The following INF2 variants were observed in gnomAD, a reference collection of about 807,000 sequenced individuals.
The protein encoded by INF2 is inverted formin-2.
In INF2, 43 loss-of-function variants were observed where a neutral mutation model predicts 123.5. The observed-to-expected ratio is 0.35, with a 90% CI of 0.27 to 0.45. INF2 has a LOEUF of 0.45. Among genes scored for constraint, INF2 ranks in the 20% least tolerant of loss-of-function variants. The probability of loss-of-function intolerance (pLI) is 1.00; values close to 1 mark genes in which losing one functional copy is unlikely to be tolerated. For missense variants in INF2, 1,453 were observed against 1,682.7 expected, an observed-to-expected ratio of 0.86 and a Z score of 2.39; for synonymous variants, 851 against 745.0, an observed-to-expected ratio of 1.14 and a Z score of -2.32.
intron 6 of INF2, 26 bp downstream of exon 6, chr14:104,706,202 G>C: frequency 6.5e-7 from 1 of 1,545,632 alleles, no homozygotes; most frequent in East Asian, 2.4e-5. Context: ...CAGGGCGGAG[G>C]GCAGCCCTCC....
chr14:104,689,299 G>C, upstream of INF2: 1 of 974,558 alleles, frequency 1.0e-6, no homozygotes, highest in East Asian at 1.1e-4. Context: ...GTAGGTGGAC[G>C]GGAGGCGGTG....
intron 6 of INF2, among the ~76,000 whole-genome samples, chr14:104,706,467 G>A (rs1309964796): frequency 3.9e-5 from 6 of 152,190 alleles, no homozygotes; most frequent in African/African-American, 7.2e-5. Flanking sequence ...GCCCACAGCC[G>A]GCCTTACTGT....
intron 17 of INF2, 43 bp from the exon 18 acceptor site, chr14:104,712,785 C>G (rs759341928): frequency 7.7e-6 from 12 of 1,559,470 alleles, no homozygotes; most frequent in African/African-American, 1.4e-5. Context: ...GGGTGGTGCC[C>G]GCGCGGGGCT....
upstream of INF2, chr14:104,689,590 T>TTCCCCCCCCCCC: frequency 3.1e-6 from 2 of 646,936 alleles, no homozygotes; most frequent in Non-Finnish European, 3.7e-6. Flanking sequence ...CTCCTCTTCC[T>TTCCCCCCCCCCC]CCCGCCCGCC....
chr14:104,700,861 T>A (rs925082806), intron 1 of INF2: 13 of 985,256 alleles, frequency 1.3e-5, no homozygotes, highest in Non-Finnish European at 1.4e-5. Context: ...CAGGCATGCC[T>A]GAGGTTTGGA....
Position 104,718,818 on chromosome 14 carries a change from A to G in INF2, c.*25A>G, listed in dbSNP as rs541048885. 1.6e-4 allele frequency: 253 copies of G among 1,612,908 alleles called. 2 individuals carry two copies. The South Asian group carries it at 2.6e-3, about 16-fold the overall frequency. ...AGGCCTCAGGCCCAGGCCCAAGGCC[A>G]AGTGAGAGAGCCCAGGCCACAGGAC... On this transcript the variant is annotated 3_prime_UTR_variant, in exon 23 of 23. Transcript: ENST00000392634.
intron 15 of INF2, 128 bp from the exon 16 acceptor site, chr14:104,711,501 G>T: frequency 1.2e-6 from 1 of 818,194 alleles, no homozygotes; most frequent in East Asian, 2.6e-5. Context: ...AAAGATTTGA[G>T]GGTCTGGAGT....
chr14:104,698,188 G>A (rs560558039), intron 1 of INF2, among the ~76,000 whole-genome samples: 183 of 152,368 alleles, frequency 1.2e-3, no homozygotes, highest in African/African-American at 4.2e-3. Flanking sequence ...CCTGCCCAGG[G>A]GCACACAGCT....
intron 1 of INF2, among the ~76,000 whole-genome samples, chr14:104,693,718 G>C (rs1889059403): frequency 6.6e-6 from 1 of 152,230 alleles, no homozygotes; most frequent in South Asian, 2.1e-4. Flanking sequence ...CCCTCGCCGG[G>C]TCGGGGGTGG....
chr14:104,718,876 G>A lies in INF2; in HGVS notation c.*83G>A. 1 of 1,599,266 alleles carries A rather than the reference G, an allele frequency of 6.3e-7. No individual in the cohort carries two copies. Among genetic ancestry groups the A allele is most frequent in the African/African-American group, 1.3e-5 (1 of 74,296 alleles). On this transcript the variant is annotated 3_prime_UTR_variant, in exon 23 of 23. Coordinates refer to ENST00000392634, the MANE Select transcript of INF2 (RefSeq NM_022489.4). ...CATTCTGCCAAGAGAGGCTCTTCTG[G>A]GGGCCAGGCTGGGACTGGGCCCCGG... is the stretch of plus-strand genomic sequence containing the variant.
rs766811200 is a variant in INF2, at chr14:104,708,718, G to A, written c.1935G>A (p.Leu645=). ...AKKSLNLNIF[L]KQFKCSNEEV... is the part of the protein sequence containing the mutation. ...AGAGCCTGAACCTCAACATCTTCCT[G>A]AAGCAATTTAAGTGGTGAGTGAGGG... Residue 645 remains leucine, a synonymous_variant, in exon 10 of 23, where the codon CTG becomes CTA. Coordinates refer to ENST00000392634, the MANE Select transcript of INF2 (RefSeq NM_022489.4). 3.7e-6 allele frequency: 6 copies of A among 1,613,008 alleles called. No individual in the cohort carries two copies. The highest frequency in any genetic ancestry group is 3.3e-4 in the Middle Eastern group (2 of 6,082).
rs774214190 is a variant in INF2 at position 104,710,907 on chromosome 14, G to A, written c.2240-30G>A. 38 of 1,605,464 alleles carry A rather than the reference G, an allele frequency of 2.4e-5. 1 individual carries two copies. In the African/African-American group the frequency reaches 3.5e-4, roughly 15 times the overall value. ...GGCATCTGGGGGCTCCGAACCAAGA[G>A]CCCCTCTCCAGCCCTGGCTGCCCCT... is the stretch of plus-strand genomic sequence containing the variant. On this transcript the variant is annotated intron_variant, in intron 13 of 22. Transcript: ENST00000392634.
rs552855136 is a variant in INF2 at position 104,684,477 on chromosome 14, G to A, written c.-104+2895G>A. On this transcript the variant is annotated intron_variant, in intron 1 of 2. Coordinates refer to the INF2 transcript ENST00000674723. This position sits in a 1 kb window ranked among gnomAD's most constrained non-coding sequence, Gnocchi z 5.0. ...GGATGAGTCTCAGAGACTGTGGAGC[G>A]AAAGAAGCCAGACACAAAGGTTGAC... 17 of 184,906 alleles carry A rather than the reference G, an allele frequency of 9.2e-5. No homozygotes were observed. The highest frequency in any genetic ancestry group is 1.9e-4 in the African/African-American group (8 of 42,362). The allele number at this position is 184,906 out of a possible 1,614,324, so 11.5% of individuals were successfully genotyped here.
chr14:104,689,378 C>T, upstream of INF2: 1 of 613,130 alleles, frequency 1.6e-6, no homozygotes, highest in Non-Finnish European at 2.0e-6. Flanking sequence ...GTCCCACCCC[C>T]ATCTCCGCCC....
upstream of INF2, among the ~76,000 whole-genome samples, chr14:104,686,633 C>T (rs1474818221): frequency 1.3e-5 from 2 of 152,090 alleles, no homozygotes; most frequent in African/African-American, 4.8e-5. Context: ...AAAATAAAAT[C>T]TCAAAAGGGG....
intron 1 of INF2, among the ~76,000 whole-genome samples, chr14:104,683,402 C>A (rs1888578917): frequency 1.0e-5 from 1 of 96,032 alleles, no homozygotes. Context: ...CCAGGGGTGT[C>A]AAAGCAGAAG....
intron 1 of INF2, among the ~76,000 whole-genome samples, chr14:104,682,355 C>T (rs563045832): frequency 6.6e-6 from 1 of 152,312 alleles, no homozygotes; most frequent in Admixed American, 6.5e-5. Flanking sequence ...CCTGGAAGAG[C>T]TCAGGAGCAA....
intron 1 of INF2, among the ~76,000 whole-genome samples, chr14:104,693,089 C>T (rs892986064): frequency 1.6e-4 from 24 of 152,230 alleles, no homozygotes; most frequent in African/African-American, 5.5e-4. Flanking sequence ...GGCTCCTGGC[C>T]GCCGATCAAG....
At chr14:104,703,015 C>T in intron 2 of INF2, 90 bp from the exon 3 acceptor site, 1 of 1,092,270 alleles carries the variant, frequency 9.2e-7, no homozygotes, top group South Asian at 1.3e-5. Context: ...GTCTGCCTGC[C>T]AGGCCCAGAG....
Sources: allele counts gnomAD v4.1 joint callset (sites outside exome capture counted in the v4.1 genomes callset), GRCh38; gene constraint gnomAD v4.1.1; non-coding constraint Gnocchi (gnomAD v3.1); transcripts MANE v1.5; gene names NCBI Gene and HGNC (gene_info 2026-07-23, HGNC 2026-07-21).